The following DTNA variants were observed in gnomAD, a reference collection of about 807,000 sequenced individuals.
DTNA encodes the protein dystrophin-related protein 3.
In DTNA, 43 loss-of-function variants were observed where a neutral mutation model predicts 100.7. That is an observed-to-expected ratio of 0.43 (90% confidence interval 0.33 to 0.55). DTNA has a LOEUF of 0.55. Among genes scored for constraint, DTNA ranks in the 20% least tolerant of loss-of-function variants. The pLI is 0.04. For missense variants in DTNA, 798 were observed against 953.9 expected (o/e 0.84, Z 2.15); for synonymous variants, 349 against 347.9 (o/e 1.00, Z -0.04).
At chr18:34,608,239 A>G (rs924628668) in intron 1 of DTNA, among the ~76,000 whole-genome samples, 12 of 152,264 alleles carry the variant, frequency 7.9e-5, no homozygotes, top group Admixed American at 6.5e-4. Context: ...AAAGATAGGC[A>G]GCCTGACCTA....
At chr18:34,773,712 A>G (rs747013806) in intron 3 of DTNA, among the ~76,000 whole-genome samples, 2 of 152,208 alleles carry the variant, frequency 1.3e-5, no homozygotes, top group Non-Finnish European at 2.9e-5. Context: ...ATGCCTATGT[A>G]ATAGGACAAT....
intron 1 of DTNA, among the ~76,000 whole-genome samples, chr18:34,596,146 A>G (rs1022147924): frequency 2.1e-4 from 32 of 152,072 alleles, no homozygotes; most frequent in African/African-American, 7.5e-4. Context: ...ATCTTCTCCT[A>G]AGTTTTCATA....
intron 1 of DTNA, among the ~76,000 whole-genome samples, chr18:34,720,254 G>A (rs2085000092): frequency 6.6e-6 from 1 of 152,292 alleles, no homozygotes; most frequent in South Asian, 2.1e-4. Context: ...ATGTGGGCTG[G>A]TAGGGGTGGG....
intron 1 of DTNA, among the ~76,000 whole-genome samples, chr18:34,666,204 G>T (rs968739354): frequency 3.3e-5 from 5 of 152,072 alleles, no homozygotes; most frequent in Admixed American, 3.3e-4. Flanking sequence ...GTGTCTGTTG[G>T]CTGCATAAAT....
intron 1 of DTNA, among the ~76,000 whole-genome samples, chr18:34,732,536 C>G (rs1403055462): frequency 6.6e-6 from 1 of 152,212 alleles, no homozygotes; most frequent in Non-Finnish European, 1.5e-5. Flanking sequence ...GGGTTCTATT[C>G]TCCTTCCCTG....
rs569521939 is a variant in DTNA at position 34,830,155 on chromosome 18, A to T, written c.1175+666A>T. Among the ~76,000 whole-genome samples, 195 of 152,276 alleles carry T rather than the reference A, an allele frequency of 1.3e-3. 2 individuals are homozygous for T. The highest frequency in any genetic ancestry group is 7.5e-3 in the South Asian group (36 of 4,824). ...AAGTTAAAGGTTCTATACTTCTATC[A>T]TTGAAACAGAACCAAAGAAATATGA... On this transcript the variant is annotated intron_variant, in intron 11 of 22. Transcript: ENST00000444659.
intron 1 of DTNA, among the ~76,000 whole-genome samples, chr18:34,748,067 G>T (rs2091877884): frequency 6.6e-6 from 1 of 152,104 alleles, no homozygotes; most frequent in Admixed American, 6.5e-5. Context: ...TAGTGATTGA[G>T]CATTTTTTCA....
At chr18:34,757,678 G>A (rs866518422) in intron 2 of DTNA, among the ~76,000 whole-genome samples, 6 of 152,212 alleles carry the variant, frequency 3.9e-5, no homozygotes, top group Admixed American at 6.5e-5. Flanking sequence ...AAGAAAGCTC[G>A]ATATGATTTT....
chr18:34,814,273 CTGAATTCT>C, intron 6 of DTNA, among the ~76,000 whole-genome samples: 1 of 152,240 alleles, frequency 6.6e-6, no homozygotes, highest in East Asian at 1.9e-4. Flanking sequence ...TCATTTATAA[CTGAATTCT>C]TGAATTTTAG....
chr18:34,593,711 G>A (rs1036893973), intron 1 of DTNA, among the ~76,000 whole-genome samples: 12 of 152,130 alleles, frequency 7.9e-5, no homozygotes, highest in Non-Finnish European at 1.0e-4. Flanking sequence ...GAGGATTTTT[G>A]CTTAGTTTTG....
At chr18:34,502,306 A>C (rs995298822) in intron 1 of DTNA, among the ~76,000 whole-genome samples, 1 of 152,154 alleles carries the variant, frequency 6.6e-6, no homozygotes, top group East Asian at 1.9e-4. Context: ...CACTTTTAAA[A>C]GAACACATTG....
chr18:34,627,333 G>A (rs989700736), intron 1 of DTNA, among the ~76,000 whole-genome samples: 1 of 152,130 alleles, frequency 6.6e-6, no homozygotes, highest in African/African-American at 2.4e-5. Context: ...ATTCCAAGCA[G>A]TACCTGTGTA....
intron 1 of DTNA, among the ~76,000 whole-genome samples, chr18:34,497,729 C>T (rs2144478543): frequency 6.6e-6 from 1 of 150,600 alleles, no homozygotes; most frequent in Admixed American, 6.6e-5. Flanking sequence ...TATATGAATA[C>T]TTTTTGCCCC....
At chr18:34,560,147 C>T (rs144584810) in intron 1 of DTNA, among the ~76,000 whole-genome samples, 139 of 152,288 alleles carry the variant, frequency 9.1e-4, no homozygotes, top group African/African-American at 3.1e-3. Context: ...TAAACTTTCC[C>T]TAATCATCCT....
intron 6 of DTNA, 113 bp downstream of exon 6, chr18:34,812,226 C>T (rs2095499784): frequency 1.4e-6 from 2 of 1,464,164 alleles, no homozygotes; most frequent in East Asian, 4.8e-5. Flanking sequence ...TGATAGCAAC[C>T]TGTATTGTAT....
At chr18:34,639,595 AT>A (rs2059040536) in intron 1 of DTNA, among the ~76,000 whole-genome samples, 1 of 152,188 alleles carries the variant, frequency 6.6e-6, no homozygotes, top group Non-Finnish European at 1.5e-5. Context: ...CTCTGAATTG[AT>A]TAAGTGGCAT....
intron 1 of DTNA, among the ~76,000 whole-genome samples, chr18:34,751,294 A>G (rs2092294567): frequency 6.6e-6 from 1 of 152,242 alleles, no homozygotes; most frequent in African/African-American, 2.4e-5. Context: ...CCTGAAACAC[A>G]GAAGTATCCA....
chr18:34,495,641 T>G (rs2039111184), intron 1 of DTNA, among the ~76,000 whole-genome samples: 1 of 152,208 alleles, frequency 6.6e-6, no homozygotes, highest in Non-Finnish European at 1.5e-5. Flanking sequence ...CAACTATCAG[T>G]GATTAAAAGC....
chr18:34,698,829 G>A (rs2146095127), intron 1 of DTNA, among the ~76,000 whole-genome samples: 1 of 152,102 alleles, frequency 6.6e-6, no homozygotes, highest in South Asian at 2.1e-4. Context: ...TGATTAGATT[G>A]TGCACACCCA....
Sources: gnomAD v4.1 joint callset for allele counts (sites outside exome capture counted in the v4.1 genomes callset) on GRCh38, gnomAD v4.1.1 for gene constraint, MANE v1.5 for transcripts, NCBI Gene and HGNC (gene_info 2026-07-23, HGNC 2026-07-21) for gene names.